Variants in PCBP3 observed in about 807,000 individuals in gnomAD.
PCBP3 encodes poly(rC)-binding protein 3.
Under a neutral mutation model 52.7 loss-of-function variants are expected in PCBP3, and 25 were observed. The observed-to-expected ratio is 0.47, with a 90% confidence interval of 0.35 to 0.66. The LOEUF is 0.66. Ranked by LOEUF, PCBP3 falls within the 30% of genes least tolerant of loss-of-function variation. The pLI, the probability that PCBP3 is intolerant of heterozygous loss-of-function variation, is 0.01. For synonymous variants in PCBP3, 162 were observed against 183.0 expected, an observed-to-expected ratio of 0.89 and a Z score of 0.93; for missense variants, 391 against 490.3, an observed-to-expected ratio of 0.80 and a Z score of 1.91.
At chr21:45,909,553 G>A (rs2096284940) in intron 10 of PCBP3, 67 bp downstream of exon 10, 3 of 1,523,504 alleles carry the variant, frequency 2.0e-6, no homozygotes, top group African/African-American at 1.4e-5. Flanking sequence ...GTGGCCACAG[G>A]CCAGGCAGCC....
rs577552452 is a variant in PCBP3, at chr21:45,670,295, A to G, written c.-200+1343A>G. On this transcript the variant is annotated intron_variant, in intron 2 of 17. Coordinates refer to ENST00000681687, the MANE Select transcript of PCBP3 (RefSeq NM_001384156.1). ...TATTCAGGTCATTTGCCAGATTTTT[A>G]ATTGGGTTGTTTGGGTTTTTGTTAT... Among the ~76,000 whole-genome samples the G allele has an allele frequency of 5.3e-5, 8 of 152,124 alleles. No individual in the cohort carries two copies. In the South Asian group the frequency reaches 6.2e-4, roughly 12 times the overall value.
rs2080035073 is a variant in PCBP3, at chr21:45,656,577, C to CA, written c.-278-12296dup. Among the ~76,000 whole-genome samples the CA allele has an allele frequency of 6.6e-6, 1 of 151,874 alleles. No individual in the cohort carries two copies. The highest frequency in any genetic ancestry group is 2.4e-5 in the African/African-American group (1 of 41,320). The stretch of plus-strand genomic sequence containing the variant: ...TGATGGGTGCAGCAAACCACCGTGG[C>CA]ATGTGTATACCTGTGTAACAAACCT... On this transcript the variant is annotated intron_variant, in intron 1 of 17. Transcript: ENST00000681687. This position sits in a 1 kb window ranked among gnomAD's most constrained non-coding sequence, Gnocchi z 4.3.
intron 4 of PCBP3, among the ~76,000 whole-genome samples, chr21:45,801,163 G>T (rs2092287536): frequency 6.6e-6 from 1 of 152,244 alleles, no homozygotes; most frequent in Non-Finnish European, 1.5e-5. Flanking sequence ...ACTGCGTCCT[G>T]TGGGAGAAGG....
intron 5 of PCBP3, among the ~76,000 whole-genome samples, chr21:45,852,906 G>A (rs1276997485): frequency 6.6e-6 from 1 of 152,246 alleles, no homozygotes; most frequent in Non-Finnish European, 1.5e-5. Flanking sequence ...ATAGAAAAAT[G>A]GGTGAAGGAT....
At chr21:45,769,554 C>G (rs891928286) in intron 4 of PCBP3, among the ~76,000 whole-genome samples, 2 of 152,268 alleles carry the variant, frequency 1.3e-5, no homozygotes, top group South Asian at 4.1e-4. Context: ...CTATCCAGGC[C>G]GGTCTTGTGT....
intron 4 of PCBP3, among the ~76,000 whole-genome samples, chr21:45,777,514 T>G (rs1269873912): frequency 6.6e-6 from 1 of 152,206 alleles, no homozygotes; most frequent in African/African-American, 2.4e-5. Flanking sequence ...GGTTTTCTAG[T>G]TCTGCCTTTA....
At chr21:45,688,514 C>G (rs1482110865) in intron 2 of PCBP3, among the ~76,000 whole-genome samples, 5 of 151,966 alleles carry the variant, frequency 3.3e-5, no homozygotes, top group African/African-American at 7.3e-5. Flanking sequence ...GTGCTGACAT[C>G]AGAAGAGGAA....
chr21:45,935,183 G>C, intron 15 of PCBP3, 70 bp from the exon 16 acceptor site: 1 of 1,066,690 alleles, frequency 9.4e-7, no homozygotes, highest in Non-Finnish European at 1.4e-6. Context: ...AGGAGAGTGA[G>C]GGACAGGCAC....
chr21:45,794,724 T>G (rs527251916), intron 4 of PCBP3, among the ~76,000 whole-genome samples: 1 of 152,254 alleles, frequency 6.6e-6, no homozygotes, highest in African/African-American at 2.4e-5. Context: ...GGTTAGGAGT[T>G]CGAGACCAGC....
chr21:45,907,539 G>A (rs980124172), intron 9 of PCBP3, among the ~76,000 whole-genome samples: 11 of 152,198 alleles, frequency 7.2e-5, no homozygotes, highest in East Asian at 3.8e-4. Context: ...TGTTTTAGGG[G>A]TGGCATTTAG....
At chr21:45,905,139 G>T (rs1208186691) in intron 9 of PCBP3, among the ~76,000 whole-genome samples, 2 of 152,164 alleles carry the variant, frequency 1.3e-5, no homozygotes, top group Admixed American at 1.3e-4. Flanking sequence ...TCTTACAATG[G>T]CCTCTTGGCT....
At chr21:45,838,684 C>T (rs2093639725) in intron 4 of PCBP3, among the ~76,000 whole-genome samples, 1 of 152,020 alleles carries the variant, frequency 6.6e-6, no homozygotes, top group Non-Finnish European at 1.5e-5. Flanking sequence ...AAATATATAA[C>T]AGGTTTGGAG....
chr21:45,829,211 G>T lies in PCBP3; in HGVS notation c.-125-20750G>T. 1 of 152,268 alleles carries T rather than the reference G, an allele frequency of 6.6e-6. No homozygotes were observed. Among genetic ancestry groups the T allele is most frequent in the Non-Finnish European group, 1.5e-5 (1 of 68,088 alleles). 9.4% of individuals were successfully genotyped at this position (152,268 alleles called of 1,614,324 possible). A position where few individuals can be genotyped will look rare whatever the true frequency, so the allele number is the denominator to read the frequency against. On this transcript the variant is annotated intron_variant, in intron 4 of 17. Transcript: ENST00000681687. The surrounding 1 kb of genome is among the most constrained non-coding windows in gnomAD (Gnocchi z 5.2). ...TGCTCTGGGCCAGGGCTCTGGATGG[G>T]CCCCACGTGGTGGGGGCCTTCAGAT...
At chr21:45,658,758 T>A (rs1243704978) in intron 1 of PCBP3, among the ~76,000 whole-genome samples, 3 of 152,238 alleles carry the variant, frequency 2.0e-5, no homozygotes, top group African/African-American at 7.2e-5. Flanking sequence ...TGTTCATTCT[T>A]TAAATGTTTG....
At chr21:45,666,971 A>AT (rs1293031436) in intron 1 of PCBP3, among the ~76,000 whole-genome samples, 1 of 151,668 alleles carries the variant, frequency 6.6e-6, no homozygotes, top group African/African-American at 2.4e-5. Context: ...TGAATGTATA[A>AT]TTTTTTCCAT....
intron 2 of PCBP3, among the ~76,000 whole-genome samples, chr21:45,733,330 A>G (rs2085603382): frequency 6.6e-6 from 1 of 152,218 alleles, no homozygotes; most frequent in South Asian, 2.1e-4. Context: ...TCTGTCGCCC[A>G]GGCTGGAGTG....
chr21:45,659,507 A>C (rs1383159784), intron 1 of PCBP3, among the ~76,000 whole-genome samples: 1 of 151,072 alleles, frequency 6.6e-6, no homozygotes, highest in Non-Finnish European at 1.5e-5. Context: ...ATTCCCCTAC[A>C]CCTGGCTAAT....
intron 5 of PCBP3, chr21:45,873,024 G>A (rs1439586023): frequency 6.6e-6 from 1 of 152,184 alleles, no homozygotes; most frequent in Non-Finnish European, 1.5e-5. Context: ...AACCTTCCTG[G>A]GTGGCACCGA....
intron 3 of PCBP3, among the ~76,000 whole-genome samples, chr21:45,739,592 C>CCA (rs1555916448): frequency 1.7e-5 from 2 of 120,606 alleles, no homozygotes; most frequent in African/African-American, 6.5e-5. Flanking sequence ...GGGTGCCCCC[C>CCA]CCCATCTTCA....
Sources: allele counts gnomAD v4.1 joint callset (sites outside exome capture counted in the v4.1 genomes callset), GRCh38; gene constraint gnomAD v4.1.1; non-coding constraint Gnocchi (gnomAD v3.1); transcripts MANE v1.5; gene names NCBI Gene and HGNC (gene_info 2026-07-23, HGNC 2026-07-21).